Variants in TC2N observed in about 807,000 individuals in gnomAD.
The protein encoded by TC2N is tandem C2 domains, nuclear.
TC2N carries 51 observed loss-of-function variants against 61.9 expected under a neutral mutation model. The ratio of observed to expected loss-of-function variants is 0.82; its 90% confidence interval spans 0.66 to 1.04. The LOEUF (loss-of-function observed/expected upper bound fraction) is 1.04, where lower values mean the gene tolerates loss of function less well. TC2N is among the 50% of genes least tolerant of loss of function. The pLI is 0.00. For synonymous variants in TC2N, 204 were observed against 192.6 expected (o/e 1.06, Z -0.49); for missense variants, 556 against 566.7 (o/e 0.98, Z 0.19).
At chr14:91,812,125 T>C (rs1447417608) in intron 3 of TC2N, 187 bp downstream of exon 3, 5 of 326,118 alleles carry the variant, frequency 1.5e-5, no homozygotes, top group African/African-American at 8.6e-5. Flanking sequence ...AATTATTGTA[T>C]TATGATCAGA....
chr14:91,790,221 A>G (rs758738009), intron 9 of TC2N, among the ~76,000 whole-genome samples: 1 of 152,198 alleles, frequency 6.6e-6, no homozygotes, highest in Admixed American at 6.5e-5. Context: ...CAATACCGAA[A>G]TTTGAGATGT....
Position 91,843,223 on chromosome 14 carries a change from A to AT in TC2N, c.-57+24038dup, listed in dbSNP as rs56757089. Reference sequence around the variant, plus strand: ...CAGCAAGCGTGAGAAATAAAAGATGATTTTTTTTTTGTACCATGGCATTTT... The same window carrying AT: ...CAGCAAGCGTGAGAAATAAAAGATGATTTTTTTTTTTGTACCATGGCATTTT... On this transcript the variant is annotated intron_variant, in intron 1 of 11. Transcript: ENST00000435962. 9.7e-3 allele frequency among the ~76,000 whole-genome samples: 1,449 copies of AT among 150,100 alleles called. 30 individuals are homozygous for AT. The highest frequency in any genetic ancestry group is 0.034 in the African/African-American group (1,369 of 40,800).
intron 1 of TC2N, among the ~76,000 whole-genome samples, chr14:91,826,392 TAA>T (rs1316092267): frequency 3.3e-5 from 5 of 151,556 alleles, no homozygotes; most frequent in African/African-American, 9.7e-5. Context: ...TATATAGTAC[TAA>T]AAGAGATGCA....
At chr14:91,816,189 T>C (rs74536309) in intron 1 of TC2N, among the ~76,000 whole-genome samples, 2,271 of 151,848 alleles carry the variant, frequency 0.015, 60 homozygotes, top group African/African-American at 0.052. Context: ...GTAATTTTGC[T>C]TGTATTGCCA....
chr14:91,802,745 G>T (rs1412635746), intron 3 of TC2N, among the ~76,000 whole-genome samples: 2 of 132,366 alleles, frequency 1.5e-5, no homozygotes, highest in Non-Finnish European at 3.0e-5. Context: ...TTACAAGATT[G>T]GGGGGGGAGA....
chr14:91,800,310 G>A lies in TC2N; in HGVS notation c.532C>T (p.Leu178Phe). Residue 178 changes from leucine to phenylalanine, a missense_variant, in exon 5 of 12, where the codon CTT becomes TTT. Transcript: ENST00000435962. ...SPGLSKSMFD[L>F]TNSSQRFIQR... Reference sequence around the variant, plus strand: ...ATGAATCGCTGAGATGAGTTTGTAAGATCAAACATAGATTTGCTTAGCCCA... The same window carrying A: ...ATGAATCGCTGAGATGAGTTTGTAAAATCAAACATAGATTTGCTTAGCCCA... The A allele has an allele frequency of 6.2e-7, 1 of 1,603,772 alleles. No individual in the cohort carries two copies. The highest frequency in any genetic ancestry group is 8.5e-7 in the Non-Finnish European group (1 of 1,174,350).
intron 1 of TC2N, among the ~76,000 whole-genome samples, chr14:91,849,336 C>G (rs1489241976): frequency 6.6e-6 from 1 of 152,120 alleles, no homozygotes; most frequent in Admixed American, 6.5e-5. Context: ...AAACAGTCCT[C>G]TTTATAGTGA....
chr14:91,797,852 GAA>G lies in TC2N; in HGVS notation c.786_787del (p.Ser263TyrfsTer25), dbSNP rs1172488817. 2.5e-6 allele frequency: 4 copies of G among 1,610,584 alleles called. No individual in the cohort carries two copies. The highest frequency in any genetic ancestry group is 3.4e-6 in the Non-Finnish European group (4 of 1,178,086). ...GGGCAATGTAAGTATTCCTTTTATA[GAA>G]ACAGTAGGAGTGTCTCCATAACTAG... is the stretch of plus-strand genomic sequence containing the variant. On this transcript the variant is annotated frameshift_variant, in exon 8 of 12. Coordinates refer to ENST00000435962, the MANE Select transcript of TC2N (RefSeq NM_001128596.3). LOFTEE classifies it high-confidence loss of function.
At chr14:91,835,363 G>C (rs761974658) in intron 1 of TC2N, among the ~76,000 whole-genome samples, 1 of 152,176 alleles carries the variant, frequency 6.6e-6, no homozygotes. Flanking sequence ...CTGGTAAATG[G>C]ATTTTGTTGT....
intron 1 of TC2N, among the ~76,000 whole-genome samples, chr14:91,858,922 A>G (rs903368985): frequency 8.5e-5 from 13 of 152,174 alleles, no homozygotes; most frequent in African/African-American, 2.2e-4. Flanking sequence ...TGATCCTTTA[A>G]TAGCCCAAAC....
chr14:91,805,558 G>T (rs543837448), intron 3 of TC2N, among the ~76,000 whole-genome samples: 11 of 152,190 alleles, frequency 7.2e-5, no homozygotes, highest in African/African-American at 2.6e-4. Context: ...CCAGCTACTT[G>T]GGAGGCTGAG....
chr14:91,838,227 C>T (rs1482132927), intron 1 of TC2N, among the ~76,000 whole-genome samples: 2 of 150,270 alleles, frequency 1.3e-5, no homozygotes, highest in Admixed American at 6.6e-5. Flanking sequence ...ACTGCTGTCT[C>T]AAACTCCTGG....
chr14:91,788,613 C>T (rs1885478629), intron 9 of TC2N, among the ~76,000 whole-genome samples: 1 of 152,068 alleles, frequency 6.6e-6, no homozygotes, highest in African/African-American at 2.4e-5. Context: ...ATAACTGGCT[C>T]ATAGCTCATT....
chr14:91,822,957 C>T (rs61990092), intron 1 of TC2N, among the ~76,000 whole-genome samples: 42,544 of 151,320 alleles, frequency 0.28, 6,476 homozygotes, highest in Middle Eastern at 0.37. Context: ...CCTCGTGATC[C>T]GCCTGCTTCA....
chr14:91,846,615 C>T (rs1439957907), intron 1 of TC2N, among the ~76,000 whole-genome samples: 2 of 152,194 alleles, frequency 1.3e-5, no homozygotes, highest in South Asian at 2.1e-4. Flanking sequence ...GGAGCATCCT[C>T]GCTTTGATTC....
chr14:91,850,697 C>T (rs1227392001), intron 1 of TC2N, among the ~76,000 whole-genome samples: 1 of 152,214 alleles, frequency 6.6e-6, no homozygotes, highest in Non-Finnish European at 1.5e-5. Flanking sequence ...CTTTGGGAGG[C>T]CAAGGCCGGC....
At chr14:91,790,199 T>A (rs1885578260) in intron 9 of TC2N, among the ~76,000 whole-genome samples, 1 of 152,218 alleles carries the variant, frequency 6.6e-6, no homozygotes, top group Non-Finnish European at 1.5e-5. Flanking sequence ...AACGTATTTC[T>A]TCCACATTAT....
At chr14:91,838,146 C>CTTTTTTTTTTTTT (rs11406325) in intron 1 of TC2N, among the ~76,000 whole-genome samples, 1 of 131,850 alleles carries the variant, frequency 7.6e-6, no homozygotes, top group Non-Finnish European at 1.6e-5. Context: ...TCATTTGTTC[C>CTTTTTTTTTTTTT]TTTTTTTTTT....
intron 1 of TC2N, among the ~76,000 whole-genome samples, chr14:91,842,693 G>T (rs182885515): frequency 1.2e-4 from 18 of 152,294 alleles, no homozygotes; most frequent in Non-Finnish European, 2.5e-4. Flanking sequence ...TCAGGGAAAT[G>T]GAATGAAAAT....
Sources: gnomAD v4.1 joint callset for allele counts (sites outside exome capture counted in the v4.1 genomes callset) on GRCh38, gnomAD v4.1.1 for gene constraint, MANE v1.5 for transcripts, NCBI Gene and HGNC (gene_info 2026-07-23, HGNC 2026-07-21) for gene names.